Variants in ZNF106 observed in about 807,000 individuals in gnomAD.
The protein encoded by ZNF106 is zinc finger protein 106.
In ZNF106, 67 loss-of-function variants were observed where a neutral mutation model predicts 195.1. The observed-to-expected ratio is 0.34, with a 90% CI of 0.28 to 0.42. The LOEUF (loss-of-function observed/expected upper bound fraction) is 0.42. Among genes scored for constraint, ZNF106 ranks in the 10% least tolerant of loss-of-function variants. The pLI is 1.00. For missense variants in ZNF106, 2,118 were observed against 2,304.5 expected (o/e 0.92, Z 1.66); for synonymous variants, 784 against 818.6 (o/e 0.96, Z 0.72).
At position 42,435,576 on chromosome 15, in the gene ZNF106, A is replaced by G. The variant is rs2055244726; in HGVS notation, c.4747-58T>C. 3.8e-6 allele frequency: 6 copies of G among 1,599,232 alleles called. No homozygotes were observed. In the Admixed American group the frequency reaches 5.0e-5, roughly 13 times the overall value. On this transcript the variant is annotated intron_variant, in intron 13 of 21. Transcript: ENST00000564754. ...ATGAGATATAGGAGGATTAGATAATATATTTCCTCAACAAAAAGATGCTAA... is the reference window on the plus strand; with the variant it reads ...ATGAGATATAGGAGGATTAGATAATGTATTTCCTCAACAAAAAGATGCTAA...
chr15:42,483,797 A>G (rs2056955729), intron 1 of ZNF106, among the ~76,000 whole-genome samples: 1 of 152,074 alleles, frequency 6.6e-6, no homozygotes. Context: ...CTCCCACCTT[A>G]GGGCTTTTTC....
chr15:42,422,366 C>T (rs2054696014), intron 18 of ZNF106, 135 bp downstream of exon 18: 2 of 1,217,404 alleles, frequency 1.6e-6, no homozygotes, highest in Middle Eastern at 2.9e-4. Flanking sequence ...CCAGCTGTTT[C>T]ATAATTATCT....
At chr15:42,423,183 C>T (rs1449938704) in intron 17 of ZNF106, among the ~76,000 whole-genome samples, 1 of 151,894 alleles carries the variant, frequency 6.6e-6, no homozygotes, top group Non-Finnish European at 1.5e-5. Context: ...GCCTGGGCAA[C>T]ATGGCAAGAC....
chr15:42,417,427 A>G, intron 21 of ZNF106, 67 bp from the exon 22 acceptor site: 11 of 1,594,864 alleles, frequency 6.9e-6, no homozygotes, highest in Non-Finnish European at 9.4e-6. Context: ...AGTCAAAGCC[A>G]AGGAAAGCCA....
At position 42,420,720 on chromosome 15, in the gene ZNF106, T is replaced by C. The variant is rs3825784; in HGVS notation, c.5517+341A>G. On this transcript the variant is annotated intron_variant, in intron 20 of 21. Transcript: ENST00000564754. ...TTTAGAACTTACAAGACCTTAAATT[T>C]TTTTTATTTGCCTATTCCTCAAAAA... 1.2e-4 allele frequency among the ~76,000 whole-genome samples: 19 copies of C among 152,334 alleles called. No individual in the cohort carries two copies. In the East Asian group the frequency reaches 3.7e-3, roughly 29 times the overall value.
intron 3 of ZNF106, 114 bp downstream of exon 3, chr15:42,465,939 C>T (rs548190213): frequency 3.8e-6 from 3 of 794,312 alleles, no homozygotes; most frequent in Non-Finnish European, 5.6e-6. Context: ...GGTTGTTCTA[C>T]GCCATAAGAC....
At chr15:42,463,907 A>T (rs1196573751) in intron 3 of ZNF106, among the ~76,000 whole-genome samples, 1 of 152,194 alleles carries the variant, frequency 6.6e-6, no homozygotes, top group East Asian at 1.9e-4. Context: ...ATAATAAGAG[A>T]CTGGGGGCAG....
At chr15:42,457,256 T>G (rs768707258) in intron 3 of ZNF106, 98 bp from the exon 4 acceptor site, 2 of 1,566,018 alleles carry the variant, frequency 1.3e-6, no homozygotes, top group East Asian at 4.5e-5. Flanking sequence ...ACTGCACACT[T>G]TGGCACAGTG....
chr15:42,464,229 A>T (rs764544843), intron 3 of ZNF106, among the ~76,000 whole-genome samples: 1 of 151,912 alleles, frequency 6.6e-6, no homozygotes. Flanking sequence ...AATCCCAGCT[A>T]CTCAGGAGGG....
chr15:42,451,831 A>G lies in ZNF106; in HGVS notation c.441T>C (p.His147=). Residue 147 remains histidine (H), a synonymous_variant, in exon 5 of 22, where the codon CAT becomes CAC. Coordinates refer to ENST00000564754, the MANE Select transcript of ZNF106 (RefSeq NM_001366845.3). ...TCCAATCCCGCTGTGGAGGTCCACGATGATGCCATGCAGGCTGACTGTAAC... is the reference window on the plus strand; with the variant it reads ...TCCAATCCCGCTGTGGAGGTCCACGGTGATGCCATGCAGGCTGACTGTAAC... The part of the protein sequence containing the change: ...RESYSQPAWH[H]RGPPQRDWKW... The G allele has an allele frequency of 1.2e-6, 2 of 1,614,208 alleles. No homozygotes were observed. The highest frequency in any genetic ancestry group is 1.7e-6 in the Non-Finnish European group (2 of 1,180,026).
At chr15:42,446,308 C>T (rs2055766291) in intron 7 of ZNF106, among the ~76,000 whole-genome samples, 1 of 152,152 alleles carries the variant, frequency 6.6e-6, no homozygotes. Context: ...GGGCTGGGCA[C>T]GGTGGCTCAC....
chr15:42,457,549 G>T, intron 3 of ZNF106: 1 of 1,053,380 alleles, frequency 9.5e-7, no homozygotes, highest in Middle Eastern at 4.7e-4. Context: ...CCTGGTGACA[G>T]CGCTTACATT....
Position 42,444,442 on chromosome 15 carries a change from G to A in ZNF106, c.3361-180C>T, listed in dbSNP as rs113286480. Among the ~76,000 whole-genome samples, 127 of 152,302 alleles carry A rather than the reference G, an allele frequency of 8.3e-4. 1 individual carries two copies. Among genetic ancestry groups the A allele is most frequent in the Middle Eastern group, 3.4e-3 (1 of 294 alleles). On this transcript the variant is annotated intron_variant, in intron 8 of 21. Transcript: ENST00000564754. The stretch of plus-strand genomic sequence containing the variant: ...CTACCTGGGGCCTTGAAGATTCCCA[G>A]GCACTGATAAAAGTATCTAGGTTGT...
intron 15 of ZNF106, chr15:42,425,353 C>T: frequency 4.1e-6 from 1 of 244,444 alleles, no homozygotes; most frequent in South Asian, 7.4e-5. Flanking sequence ...AAGGGTGAAC[C>T]TTTTTTTTTC....
intron 4 of ZNF106, among the ~76,000 whole-genome samples, chr15:42,453,461 T>C (rs1277873269): frequency 6.6e-6 from 1 of 152,202 alleles, no homozygotes; most frequent in Non-Finnish European, 1.5e-5. Context: ...ATGGGCATGG[T>C]GCTTAGCATG....
chr15:42,424,055 C>T lies in ZNF106; in HGVS notation c.5196G>A (p.Val1732=). ...HSKTILCMKV[V]NDLVFSGSSD... is the part of the protein sequence containing the mutation. Reference sequence around the variant, plus strand: ...TGGAGCCACTGAACACGAGATCATTCACCACCTTAAAGAAAAAATTAAACA... The same window carrying T: ...TGGAGCCACTGAACACGAGATCATTTACCACCTTAAAGAAAAAATTAAACA... The change falls in exon 17 of 22, where the codon GTG becomes GTA. Residue 1732 remains valine (V), a synonymous_variant. Transcript: ENST00000564754. 1.2e-6 allele frequency: 2 copies of T among 1,612,694 alleles called. No homozygotes were observed. Among genetic ancestry groups the T allele is most frequent in the South Asian group, 2.2e-5 (2 of 90,730 alleles).
intron 1 of ZNF106, among the ~76,000 whole-genome samples, chr15:42,483,539 T>C (rs2056950373): frequency 6.6e-6 from 1 of 152,202 alleles, no homozygotes; most frequent in African/African-American, 2.4e-5. Flanking sequence ...CATACATGGT[T>C]TGCTCAACCA....
At chr15:42,429,548 A>C (rs2141283329) in intron 14 of ZNF106, among the ~76,000 whole-genome samples, 1 of 152,086 alleles carries the variant, frequency 6.6e-6, no homozygotes, top group South Asian at 2.1e-4. Context: ...ATTGGGTAGG[A>C]TGAGAAAAGC....
At position 42,451,475 on chromosome 15, in the gene ZNF106, T is replaced by C. The variant is rs1405822378; in HGVS notation, c.797A>G (p.Lys266Arg). The part of the protein sequence containing the change: ...NNWNYSGPGD[K>R]FQPGRNRNSN... Reference sequence around the variant, plus strand: ...ATTTCTGTTTCTGCCTGGTTGAAATTTGTCTCCAGGGCCACTGTAATTCCA... The same window carrying C: ...ATTTCTGTTTCTGCCTGGTTGAAATCTGTCTCCAGGGCCACTGTAATTCCA... Residue 266 changes from lysine to arginine, a missense_variant, in exon 5 of 22, where the codon AAA (lysine) becomes AGA (arginine). By Grantham distance (26) the Lys-to-Arg change is conservative. Coordinates refer to ENST00000564754, the MANE Select transcript of ZNF106 (RefSeq NM_001366845.3). 4 of 1,614,106 alleles carry C rather than the reference T, an allele frequency of 2.5e-6. No individual in the cohort carries two copies. The South Asian group carries it at 4.4e-5, about 18-fold the overall frequency.
Sources: gnomAD v4.1 joint callset for allele counts (sites outside exome capture counted in the v4.1 genomes callset) on GRCh38, gnomAD v4.1.1 for gene constraint, MANE v1.5 for transcripts, NCBI Gene and HGNC (gene_info 2026-07-23, HGNC 2026-07-21) for gene names.